AFG2A: variants seen among roughly 807,000 people sequenced by gnomAD.
AFG2A encodes ATPase family gene 2 protein homolog A.
chr4:123,210,434 T>C, the AFG2A span, among the ~76,000 whole-genome samples: 1 of 152,230 alleles, frequency 6.6e-6, no homozygotes, highest in Non-Finnish European at 1.5e-5. Context: ...AGTGAGATCA[T>C]GGGATATTTG....
chr4:123,172,523 C>T, the AFG2A span, among the ~76,000 whole-genome samples: 1 of 152,180 alleles, frequency 6.6e-6, no homozygotes, highest in Non-Finnish European at 1.5e-5. Flanking sequence ...ATTTCACTAT[C>T]TTCCTATAAT....
chr4:123,089,889 T>G, the AFG2A span, among the ~76,000 whole-genome samples: 1 of 152,170 alleles, frequency 6.6e-6, no homozygotes, highest in Non-Finnish European at 1.5e-5. Flanking sequence ...GGCCCGAGTT[T>G]ATTTCTTAAA....
chr4:122,981,426 T>C, the AFG2A span, among the ~76,000 whole-genome samples: 2 of 151,654 alleles, frequency 1.3e-5, no homozygotes, highest in Admixed American at 6.6e-5. Context: ...CATAGCTTTG[T>C]AGTATATTTT....
the AFG2A span, among the ~76,000 whole-genome samples, chr4:123,263,749 T>TA: frequency 4.5e-4 from 69 of 152,212 alleles, no homozygotes; most frequent in Non-Finnish European, 7.9e-4. Flanking sequence ...GGGACATCGT[T>TA]ACACTGCTGG....
chr4:122,996,589 A>ATAGATAGC, the AFG2A span, among the ~76,000 whole-genome samples: 1 of 151,592 alleles, frequency 6.6e-6, no homozygotes, highest in African/African-American at 2.4e-5. Flanking sequence ...AGATAGATAG[A>ATAGATAGC]TAGATAGATA....
the AFG2A span, among the ~76,000 whole-genome samples, chr4:123,106,332 A>G: frequency 2.0e-5 from 3 of 152,194 alleles, no homozygotes; most frequent in African/African-American, 7.2e-5. Flanking sequence ...TAAATTAGAA[A>G]TTCTTGTCAC....
chr4:123,000,283 GAAT>G, the AFG2A span, among the ~76,000 whole-genome samples: 3 of 150,612 alleles, frequency 2.0e-5, no homozygotes, highest in Non-Finnish European at 4.4e-5. Context: ...TTTCCTAACT[GAAT>G]ACCCTTTATT....
At chr4:123,077,314 T>G in the AFG2A span, among the ~76,000 whole-genome samples, 1 of 152,144 alleles carries the variant, frequency 6.6e-6, no homozygotes, top group Admixed American at 6.5e-5. Context: ...CCCAAAGTGC[T>G]GGGATTACAG....
At chr4:123,136,312 T>G in the AFG2A span, among the ~76,000 whole-genome samples, 1 of 152,140 alleles carries the variant, frequency 6.6e-6, no homozygotes, top group Middle Eastern at 3.4e-3. Context: ...GGCAGGCAGA[T>G]CACCTGAGGT....
the AFG2A span, among the ~76,000 whole-genome samples, chr4:123,093,842 TGAC>T: frequency 6.6e-6 from 1 of 152,204 alleles, no homozygotes; most frequent in African/African-American, 2.4e-5. Context: ...ATCTTTATGT[TGAC>T]TTTAGAAGAT....
chr4:123,113,330 GGAGAAAAACAACAAAAACAAATA>G, the AFG2A span, among the ~76,000 whole-genome samples: 3 of 152,112 alleles, frequency 2.0e-5, no homozygotes, highest in African/African-American at 4.8e-5. Context: ...TAATAGGATA[GGAGAAAAACAACAAAAACAAATA>G]CAGCTTTTTG....
At chr4:123,121,525 T>C in the AFG2A span, among the ~76,000 whole-genome samples, 3 of 152,218 alleles carry the variant, frequency 2.0e-5, no homozygotes, top group Non-Finnish European at 4.4e-5. Context: ...TAATCTCTTA[T>C]ACATTATTTT....
At chr4:123,219,953 T>C in the AFG2A span, among the ~76,000 whole-genome samples, 1 of 152,000 alleles carries the variant, frequency 6.6e-6, no homozygotes, top group African/African-American at 2.4e-5. Context: ...CACTGCAACC[T>C]CCGCCTTTCT....
the AFG2A span, among the ~76,000 whole-genome samples, chr4:123,003,440 G>C: frequency 3.7e-3 from 556 of 152,020 alleles, 5 homozygotes; most frequent in Middle Eastern, 0.014. Flanking sequence ...GTGGTTTTAT[G>C]TTTGTTTGGT....
the AFG2A span, among the ~76,000 whole-genome samples, chr4:123,032,692 G>A: frequency 6.6e-6 from 1 of 152,228 alleles, no homozygotes; most frequent in African/African-American, 2.4e-5. Flanking sequence ...GGGATTACAG[G>A]TATAAGCCAC....
chr4:123,233,943 A>G, the AFG2A span, among the ~76,000 whole-genome samples: 1 of 152,086 alleles, frequency 6.6e-6, no homozygotes, highest in South Asian at 2.1e-4. Context: ...ATTAATTGCC[A>G]GGAGAATCTG....
At chr4:123,307,919 AC>A in the AFG2A span, among the ~76,000 whole-genome samples, 1 of 152,228 alleles carries the variant, frequency 6.6e-6, no homozygotes, top group East Asian at 1.9e-4. Flanking sequence ...ATGGGCTATT[AC>A]CATCTAGATT....
At chr4:123,149,447 A>C in the AFG2A span, among the ~76,000 whole-genome samples, 3,234 of 152,314 alleles carry the variant, frequency 0.021, 64 homozygotes, top group Non-Finnish European at 0.035. Context: ...AACAAATAGA[A>C]AATGAAGACC....
the AFG2A span, among the ~76,000 whole-genome samples, chr4:122,977,986 T>C: frequency 6.6e-6 from 1 of 151,994 alleles, no homozygotes; most frequent in Non-Finnish European, 1.5e-5. Flanking sequence ...TCCTGATGAG[T>C]GTCCTGCTGT....
Sources: gnomAD v4.1 joint callset for allele counts (sites outside exome capture counted in the v4.1 genomes callset) on GRCh38, gnomAD v4.1.1 for gene constraint, MANE v1.5 for transcripts, NCBI Gene and HGNC (gene_info 2026-07-23, HGNC 2026-07-21) for gene names.